Variants in NUAK2 observed in about 807,000 individuals in gnomAD.
NUAK2 encodes the protein NUAK family SNF1-like kinase 2.
A neutral mutation model predicts 29.8 loss-of-function variants in NUAK2; 20 were observed. The observed-to-expected ratio is 0.67, with a 90% CI of 0.47 to 0.98. NUAK2 has a LOEUF of 0.98. Ranked by LOEUF, NUAK2 falls within the 50% of genes least tolerant of loss-of-function variation. The pLI, the probability that NUAK2 is intolerant of heterozygous loss-of-function variation, is 0.00. For missense variants in NUAK2, 719 were observed against 834.5 expected (o/e 0.86, Z 1.71); for synonymous variants, 331 against 342.6 (o/e 0.97, Z 0.37).
At chr1:205,311,410 G>A (rs1379914284) in intron 2 of NUAK2, among the ~76,000 whole-genome samples, 1 of 152,182 alleles carries the variant, frequency 6.6e-6, no homozygotes, top group Non-Finnish European at 1.5e-5. Context: ...AATTCCTTGA[G>A]TACCTCCCAT....
chr1:205,316,043 T>C (rs982131116), intron 1 of NUAK2, among the ~76,000 whole-genome samples: 1 of 152,088 alleles, frequency 6.6e-6, no homozygotes, highest in Non-Finnish European at 1.5e-5. Context: ...TAATACAATA[T>C]ATGGCCACCC....
Position 205,304,810 on chromosome 1 carries a change from C to A in NUAK2, c.824-297G>T, listed in dbSNP as rs1318257237. Among the ~76,000 whole-genome samples the A allele has an allele frequency of 6.6e-6, 1 of 152,168 alleles. No individual in the cohort carries two copies. Among genetic ancestry groups the A allele is most frequent in the African/African-American group, 2.4e-5 (1 of 41,420 alleles). ...CCTCTCTCTCTCCATTGAAATTCAACCCTCTGAGGGTAGAGACTGTGTTCA... is the reference window on the plus strand; with the variant it reads ...CCTCTCTCTCTCCATTGAAATTCAAACCTCTGAGGGTAGAGACTGTGTTCA... On this transcript the variant is annotated intron_variant, in intron 6 of 6. Coordinates refer to ENST00000367157, the MANE Select transcript of NUAK2 (RefSeq NM_030952.3). The surrounding 1 kb of genome is among the most constrained non-coding windows in gnomAD (Gnocchi z 6.5).
At chr1:205,317,610 G>C (rs919447415) in intron 1 of NUAK2, among the ~76,000 whole-genome samples, 14 of 152,214 alleles carry the variant, frequency 9.2e-5, no homozygotes, top group African/African-American at 3.1e-4. Flanking sequence ...CCTCTACCGG[G>C]TTGCTGGGCA....
At chr1:205,311,632 T>G in intron 2 of NUAK2, 73 bp downstream of exon 2, 1 of 1,575,246 alleles carries the variant, frequency 6.3e-7, no homozygotes, top group Non-Finnish European at 8.7e-7. Flanking sequence ...TTCTGACACA[T>G]GTACATACGC....
At chr1:205,311,594 T>C (rs1662257770) in intron 2 of NUAK2, 111 bp downstream of exon 2, 7 of 1,399,682 alleles carry the variant, frequency 5.0e-6, no homozygotes, top group Middle Eastern at 1.8e-4. Flanking sequence ...CTAGAGCCTA[T>C]ATTTTTTTTA....
In NUAK2 at chr1:205,306,227, C is replaced by T. The variant is rs377400744; in HGVS notation, c.651G>A (p.Ser217=). ...AGGGCTTCCCATTGACAATCTCTGGCGAGGCATAGAGGGGGCTCCCACAGA... is the reference window on the plus strand; with the variant it reads ...AGGGCTTCCCATTGACAATCTCTGGTGAGGCATAGAGGGGGCTCCCACAGA... ...QTFCGSPLYA[S]PEIVNGKPYT... The change falls in exon 5 of 7, where the codon TCG becomes TCA. Residue 217 remains serine, a synonymous_variant. Coordinates refer to ENST00000367157, the MANE Select transcript of NUAK2 (RefSeq NM_030952.3). The T allele has an allele frequency of 4.6e-5, 74 of 1,613,674 alleles. No homozygotes were observed. The highest frequency in any genetic ancestry group is 2.7e-4 in the East Asian group (12 of 44,882).
At chr1:205,315,660 G>A (rs949563305) in intron 1 of NUAK2, among the ~76,000 whole-genome samples, 5 of 152,122 alleles carry the variant, frequency 3.3e-5, no homozygotes, top group African/African-American at 7.2e-5. Flanking sequence ...ATCACTCGAG[G>A]CCAGAAGTTC....
At chr1:205,311,904 T>G in intron 1 of NUAK2, 79 bp from the exon 2 acceptor site, 1 of 1,584,682 alleles carries the variant, frequency 6.3e-7, no homozygotes, top group Non-Finnish European at 8.6e-7. Flanking sequence ...GTGGTTTGCC[T>G]GTAGCTGCTA....
chr1:205,317,428 G>A (rs1662344116), intron 1 of NUAK2, among the ~76,000 whole-genome samples: 1 of 152,224 alleles, frequency 6.6e-6, no homozygotes, highest in South Asian at 2.1e-4. Flanking sequence ...GATAACGGAG[G>A]AGAGGTTGGG....
At chr1:205,321,132 T>C (rs1032915191) in intron 1 of NUAK2, among the ~76,000 whole-genome samples, 1 of 152,218 alleles carries the variant, frequency 6.6e-6, no homozygotes, top group Non-Finnish European at 1.5e-5. Flanking sequence ...CCGCGCCAAC[T>C]ATCCATAGCC....
Position 205,321,529 on chromosome 1 carries a change from G to A in NUAK2, c.100C>T (p.Leu34=). The change falls in exon 1 of 7, where the codon CTA becomes TTA. Residue 34 remains leucine, a synonymous_variant. Coordinates refer to ENST00000367157, the MANE Select transcript of NUAK2 (RefSeq NM_030952.3). Reference sequence around the variant, plus strand: ...CGCTTCACCGCCTGCTTCTTCATTAGGGGCTTGGGCGACTTGATCAGCCCT... The same window carrying A: ...CGCTTCACCGCCTGCTTCTTCATTAAGGGCTTGGGCGACTTGATCAGCCCT... ...AEGLIKSPKP[L]MKKQAVKRHH... The A allele has an allele frequency of 4.3e-6, 7 of 1,613,988 alleles. No homozygotes were observed. Among genetic ancestry groups the A allele is most frequent in the South Asian group, 2.2e-5 (2 of 91,090 alleles).
chr1:205,319,201 G>C (rs1574896584), intron 1 of NUAK2, among the ~76,000 whole-genome samples: 1 of 152,190 alleles, frequency 6.6e-6, no homozygotes, highest in South Asian at 2.1e-4. Flanking sequence ...CCCTGAGCAA[G>C]TTCCCAGCTG....
At chr1:205,311,538 G>T (rs971628870) in intron 2 of NUAK2, among the ~76,000 whole-genome samples, 167 bp downstream of exon 2, 11 of 152,202 alleles carry the variant, frequency 7.2e-5, no homozygotes, top group Admixed American at 6.5e-4. Context: ...TCAATGAGTT[G>T]TGCAAAGTCA....
intron 5 of NUAK2, among the ~76,000 whole-genome samples, chr1:205,305,813 G>A (rs1662171899): frequency 6.6e-6 from 1 of 152,212 alleles, no homozygotes; most frequent in Non-Finnish European, 1.5e-5. Context: ...CCAGGTTCAA[G>A]TGATTCTCCT....
intron 1 of NUAK2, among the ~76,000 whole-genome samples, chr1:205,315,920 G>GCCTT (rs1662322365): frequency 6.6e-6 from 1 of 151,974 alleles, no homozygotes; most frequent in Non-Finnish European, 1.5e-5. Context: ...CCAAGGAAGA[G>GCCTT]GGTAACAATT....
chr1:205,308,468 G>T lies in NUAK2; in HGVS notation c.504+113C>A. The T allele has an allele frequency of 8.5e-7, 1 of 1,183,386 alleles. No individual in the cohort carries two copies. Among genetic ancestry groups the T allele is most frequent in the Non-Finnish European group, 1.2e-6 (1 of 822,162 alleles). The allele number at this position is 1,183,386 out of a possible 1,614,324, so 73.3% of individuals were successfully genotyped here. Reference sequence around the variant, plus strand: ...CCCTGAGAGTCCAGAATCTAGTTTTGCCTCTGTTTCTGTGTGATCCTGGAC... The same window carrying T: ...CCCTGAGAGTCCAGAATCTAGTTTTTCCTCTGTTTCTGTGTGATCCTGGAC... On this transcript the variant is annotated intron_variant, in intron 3 of 6. Transcript: ENST00000367157. The surrounding 1 kb of genome is among the most constrained non-coding windows in gnomAD (Gnocchi z 4.1).
At chr1:205,317,070 T>C (rs913099384) in intron 1 of NUAK2, among the ~76,000 whole-genome samples, 2 of 152,080 alleles carry the variant, frequency 1.3e-5, no homozygotes, top group African/African-American at 4.8e-5. Context: ...GGCCAGGCTG[T>C]GTAGTATCAC....
chr1:205,303,419 C>T lies in NUAK2; in HGVS notation c.*31G>A. 6.6e-7 allele frequency: 1 copy of T among 1,505,136 alleles called. No individual in the cohort carries two copies. The highest frequency in any genetic ancestry group is 1.3e-5 in the South Asian group (1 of 75,052). 93.2% of individuals were successfully genotyped at this position (1,505,136 alleles called of 1,614,324 possible). A position where few individuals can be genotyped will look rare whatever the true frequency, so the allele number is the denominator to read the frequency against. ...GGGTGCAACCAGCTGCATCTGAGAG[C>T]CTGACCGGGCTGGGGCAATGCCTAC... On this transcript the variant is annotated 3_prime_UTR_variant, in exon 7 of 7. Transcript: ENST00000367157.
chr1:205,313,770 G>A (rs1343749003), intron 1 of NUAK2, among the ~76,000 whole-genome samples: 1 of 152,086 alleles, frequency 6.6e-6, no homozygotes, highest in Non-Finnish European at 1.5e-5. Context: ...GGGGCCCTCA[G>A]AGGCTGCAGG....
Sources: allele counts gnomAD v4.1 joint callset (sites outside exome capture counted in the v4.1 genomes callset), GRCh38; gene constraint gnomAD v4.1.1; non-coding constraint Gnocchi (gnomAD v3.1); transcripts MANE v1.5; gene names NCBI Gene and HGNC (gene_info 2026-07-23, HGNC 2026-07-21).